Variants in FER1L5 observed in about 807,000 individuals in gnomAD.
The protein encoded by FER1L5 is fer-1 like family member 5, also known as fer-1-like protein 5.
A neutral mutation model predicts 279.9 loss-of-function variants in FER1L5; 187 were observed. The ratio of observed to expected loss-of-function variants is 0.67; its 90% CI spans 0.59 to 0.75. FER1L5 has a LOEUF of 0.75. FER1L5 is among the 30% of genes least tolerant of loss of function. The probability of loss-of-function intolerance (pLI) is 0.00; values close to 1 mark genes in which losing one functional copy is unlikely to be tolerated. For synonymous variants in FER1L5, 921 were observed against 989.7 expected (o/e 0.93, Z 1.30); for missense variants, 2,091 against 2,594.4 (o/e 0.81, Z 4.21).
chr2:96,698,166 C>T lies in FER1L5; in HGVS notation c.4356+10C>T. ...GGTAGGGGAGTTCAAGGTGTGTGTCCACCCCAGCTTAGCTGCCCCTGTCTC... is the reference window on the plus strand; with the variant it reads ...GGTAGGGGAGTTCAAGGTGTGTGTCTACCCCAGCTTAGCTGCCCCTGTCTC... On this transcript the variant is annotated intron_variant, in intron 40 of 52. Transcript: ENST00000624922. The surrounding 1 kb of genome is among the most constrained non-coding windows in gnomAD (Gnocchi z 5.5). 1 of 1,553,858 alleles carries T rather than the reference C, an allele frequency of 6.4e-7. No individual in the cohort carries two copies.
In FER1L5 at chr2:96,662,649, A is replaced by G. The variant is rs184508702; in HGVS notation, c.1071+382A>G. The stretch of plus-strand genomic sequence containing the variant: ...TTTCCAAAGTGTGCTGATGGGTGTC[A>G]TGGGTAAAAAAGGGTCCTATGTTCA... On this transcript the variant is annotated intron_variant, in intron 13 of 52. Transcript: ENST00000624922. 2.1e-3 allele frequency among the ~76,000 whole-genome samples: 316 copies of G among 152,318 alleles called. 1 individual carries two copies. Among genetic ancestry groups the G allele is most frequent in the African/African-American group, 7.1e-3 (296 of 41,572 alleles).
chr2:96,699,680 G>A lies in FER1L5; in HGVS notation c.4741G>A (p.Gly1581Ser). 6.2e-7 allele frequency: 1 copy of A among 1,613,994 alleles called. No homozygotes were observed. Among genetic ancestry groups the A allele is most frequent in the East Asian group, 2.2e-5 (1 of 44,886 alleles). ...CGACCTTGAAAACCGACTCCTATCT[G>A]GCTTTGGAGCTCATTGTGGGCTCTC... ...VIDLENRLLSGFGAHCGLSKS... is the reference protein window; with the variant it reads ...VIDLENRLLSSFGAHCGLSKS... The change falls in exon 43 of 53, where the codon GGC becomes AGC. Residue 1581 changes from glycine (G) to serine (S), a missense_variant. Gly to Ser is a moderately conservative substitution (Grantham distance 56). Transcript: ENST00000624922.
At chr2:96,660,465 G>GGA in intron 10 of FER1L5, 94 bp downstream of exon 10, 3 of 1,054,160 alleles carry the variant, frequency 2.8e-6, no homozygotes, top group Non-Finnish European at 4.3e-6. Context: ...CAACACATGG[G>GGA]TGGAGGGGAG....
At chr2:96,699,430 C>G (rs1663283474) in intron 42 of FER1L5, 120 bp from the exon 43 acceptor site, 1 of 1,184,748 alleles carries the variant, frequency 8.4e-7, no homozygotes, top group African/African-American at 1.5e-5. Flanking sequence ...CTACCCCATG[C>G]TCTGCTCTCC....
intron 6 of FER1L5, 89 bp from the exon 7 acceptor site, chr2:96,651,803 A>T: frequency 6.6e-7 from 1 of 1,526,026 alleles, no homozygotes; most frequent in East Asian, 2.5e-5. Flanking sequence ...CACTCATTGC[A>T]CCTGGCCTAG....
intron 7 of FER1L5, chr2:96,653,367 G>C (rs1416814078): frequency 1.8e-5 from 8 of 443,830 alleles, no homozygotes; most frequent in Non-Finnish European, 3.2e-5. Context: ...CATTGTACCA[G>C]TTCAGCATTC....
chr2:96,665,176 G>A (rs533015834), intron 14 of FER1L5, among the ~76,000 whole-genome samples: 6 of 152,326 alleles, frequency 3.9e-5, no homozygotes, highest in Admixed American at 6.5e-5. Flanking sequence ...CTTGAGCTGA[G>A]AGATAACTTG....
At chr2:96,670,613 A>G (rs1250455196) in intron 18 of FER1L5, among the ~76,000 whole-genome samples, 1 of 151,566 alleles carries the variant, frequency 6.6e-6, no homozygotes, top group Non-Finnish European at 1.5e-5. Context: ...CGCTGTCTCT[A>G]CTAAAAATAC....
At chr2:96,673,773 G>C (rs186671096) in intron 19 of FER1L5, among the ~76,000 whole-genome samples, 3 of 152,284 alleles carry the variant, frequency 2.0e-5, no homozygotes, top group Admixed American at 6.5e-5. Context: ...CTGGAAACTT[G>C]TTAGAAATGC....
At chr2:96,677,725 C>T (rs1422978901) in intron 19 of FER1L5, among the ~76,000 whole-genome samples, 1 of 152,084 alleles carries the variant, frequency 6.6e-6, no homozygotes, top group Non-Finnish European at 1.5e-5. Context: ...ATTACCCGGG[C>T]ATGGTGGCAC....
chr2:96,694,481 A>T lies in FER1L5; in HGVS notation c.3741+17A>T, dbSNP rs1246241696. On this transcript the variant is annotated intron_variant, in intron 34 of 52. Coordinates refer to ENST00000624922, the MANE Select transcript of FER1L5 (RefSeq NM_001293083.2). The surrounding 1 kb of genome is among the most constrained non-coding windows in gnomAD (Gnocchi z 4.6). ...GCCATTGAGGTGCTGGCGATGTGGG[A>T]TGGGGACGGTGGGCAGGACAGGCGG... The T allele has an allele frequency of 1.3e-6, 2 of 1,528,632 alleles. No homozygotes were observed. The highest frequency in any genetic ancestry group is 8.8e-7 in the Non-Finnish European group (1 of 1,132,856). The allele number at this position is 1,528,632 out of a possible 1,614,324, so 94.7% of individuals were successfully genotyped here. A position where few individuals can be genotyped will look rare whatever the true frequency, so the allele number is the denominator to read the frequency against.
At chr2:96,681,076 T>G (rs895601357) in intron 19 of FER1L5, among the ~76,000 whole-genome samples, 1 of 152,190 alleles carries the variant, frequency 6.6e-6, no homozygotes, top group African/African-American at 2.4e-5. Flanking sequence ...GGTGTATTCT[T>G]TTGATATCAT....
chr2:96,678,085 G>A (rs1389465980), intron 19 of FER1L5, among the ~76,000 whole-genome samples: 3 of 151,592 alleles, frequency 2.0e-5, no homozygotes, highest in African/African-American at 4.9e-5. Flanking sequence ...TGCATTTCAT[G>A]TAATGACACT....
intron 42 of FER1L5, 151 bp from the exon 43 acceptor site, chr2:96,699,399 T>C: frequency 2.1e-6 from 2 of 960,160 alleles, no homozygotes; most frequent in Non-Finnish European, 3.1e-6. Flanking sequence ...AACCAGGGGA[T>C]GGCGATTGGC....
In FER1L5 at chr2:96,699,706, C is replaced by T; in HGVS notation, c.4767C>T (p.Ser1589=). 1 of 1,613,954 alleles carries T rather than the reference C, an allele frequency of 6.2e-7. No individual in the cohort carries two copies. Reference sequence around the variant, plus strand: ...GCTTTGGAGCTCATTGTGGGCTCTCCAAATCCTACTGCCAGTGAGAGTGGG... The same window carrying T: ...GCTTTGGAGCTCATTGTGGGCTCTCTAAATCCTACTGCCAGTGAGAGTGGG... ...LSGFGAHCGL[S]KSYCQSGPFR... The change falls in exon 43 of 53, where the codon TCC becomes TCT. Residue 1589 remains serine (S), a synonymous_variant. Coordinates refer to ENST00000624922, the MANE Select transcript of FER1L5 (RefSeq NM_001293083.2).
In FER1L5 at chr2:96,700,092, A is replaced by G. The variant is rs570689801; in HGVS notation, c.4930+12A>G. ...GCTGCAAAGCTTTGGTGAGCAGCGC[A>G]GAACACTAGCAGAAAGCACAGACAC... On this transcript the variant is annotated intron_variant, in intron 44 of 52. Transcript: ENST00000624922. 1.7e-5 allele frequency: 27 copies of G among 1,613,634 alleles called. No individual in the cohort carries two copies. In the African/African-American group the frequency reaches 3.1e-4, roughly 18 times the overall value.
chr2:96,698,843 G>A lies in FER1L5; in HGVS notation c.4518+11G>A. On this transcript the variant is annotated intron_variant, in intron 41 of 52. Coordinates refer to ENST00000624922, the MANE Select transcript of FER1L5 (RefSeq NM_001293083.2). This position sits in a 1 kb window ranked among gnomAD's most constrained non-coding sequence, Gnocchi z 5.5. ...GACTACAATGGCCTGGTAAAGAACA[G>A]TACCTGCCCCACACAGGTGCCCCGC... is the stretch of plus-strand genomic sequence containing the variant. The A allele has an allele frequency of 6.4e-7, 1 of 1,557,638 alleles. No homozygotes were observed.
At chr2:96,690,462 G>A (rs1370175014) in intron 26 of FER1L5, 25 bp from the exon 27 acceptor site, 10 of 1,548,552 alleles carry the variant, frequency 6.5e-6, no homozygotes, top group African/African-American at 2.7e-5. Flanking sequence ...TGTGCCCCTC[G>A]CTCGCCCTCT....
chr2:96,699,201 G>A (rs1317520279), intron 42 of FER1L5, 65 bp downstream of exon 42: 27 of 1,500,576 alleles, frequency 1.8e-5, no homozygotes, highest in East Asian at 7.4e-5. Context: ...GAAGTCGGCC[G>A]GAGAAGGCAC....
Sources: allele counts gnomAD v4.1 joint callset (sites outside exome capture counted in the v4.1 genomes callset), GRCh38; gene constraint gnomAD v4.1.1; non-coding constraint Gnocchi (gnomAD v3.1); transcripts MANE v1.5; gene names NCBI Gene and HGNC (gene_info 2026-07-23, HGNC 2026-07-21).